Variants in LACTB observed in about 807,000 individuals in gnomAD.
LACTB encodes the protein serine beta-lactamase-like protein LACTB, mitochondrial.
A neutral mutation model predicts 50.2 loss-of-function variants in LACTB; 35 were observed. That is an observed-to-expected ratio of 0.70 (90% CI 0.53 to 0.92). The LOEUF is 0.92. Ranked by LOEUF, LACTB falls within the 40% of genes least tolerant of loss-of-function variation. LACTB has a pLI of 0.00. For missense variants in LACTB, 664 were observed against 691.8 expected (o/e 0.96, Z 0.45); for synonymous variants, 252 against 268.2 (o/e 0.94, Z 0.59).
rs1234884283 is a variant in LACTB at position 63,127,064 on chromosome 15, A to G, written c.615+15A>G. 1.3e-6 allele frequency: 2 copies of G among 1,545,802 alleles called. No homozygotes were observed. The highest frequency in any genetic ancestry group is 1.8e-5 in the Admixed American group (1 of 54,284). On this transcript the variant is annotated intron_variant, in intron 3 of 5. Transcript: ENST00000261893. ...AAGGTGAAAAGGTACTGAAACTCACAGTTCATTTTACTAATGGCATGTTAA... is the reference window on the plus strand; with the variant it reads ...AAGGTGAAAAGGTACTGAAACTCACGGTTCATTTTACTAATGGCATGTTAA...
At chr15:63,123,805 TG>T (rs2037011006) in intron 2 of LACTB, among the ~76,000 whole-genome samples, 1 of 152,214 alleles carries the variant, frequency 6.6e-6, no homozygotes, top group Admixed American at 6.5e-5. Context: ...TTTCACTAAT[TG>T]ACTACTGCTA....
intron 5 of LACTB, among the ~76,000 whole-genome samples, chr15:63,132,434 T>C (rs1178230884): frequency 6.6e-6 from 1 of 152,072 alleles, no homozygotes; most frequent in Non-Finnish European, 1.5e-5. Flanking sequence ...GATTTTCTGC[T>C]TTATTTTGTG....
At chr15:63,128,087 A>T (rs1026251928) in intron 4 of LACTB, among the ~76,000 whole-genome samples, 1 of 152,238 alleles carries the variant, frequency 6.6e-6, no homozygotes, top group African/African-American at 2.4e-5. Flanking sequence ...ATGAGTGTTC[A>T]TCACTAATTT....
At chr15:63,129,936 T>G (rs981776914) in intron 5 of LACTB, 3 of 226,506 alleles carry the variant, frequency 1.3e-5, no homozygotes, top group Non-Finnish European at 2.5e-5. Context: ...CTTTAACCAT[T>G]CCTTTTTTAG....
chr15:63,123,979 T>C (rs2141067696), intron 2 of LACTB, among the ~76,000 whole-genome samples: 1 of 152,324 alleles, frequency 6.6e-6, no homozygotes, highest in South Asian at 2.1e-4. Flanking sequence ...CAGAGTCTTC[T>C]CTAAACTCCC....
chr15:63,128,712 G>T (rs146974491), intron 4 of LACTB, among the ~76,000 whole-genome samples: 1 of 152,166 alleles, frequency 6.6e-6, no homozygotes, highest in Middle Eastern at 3.4e-3. Flanking sequence ...TTGAAACAAA[G>T]TTTGTGTGCC....
chr15:63,125,050 G>A (rs921556493), intron 2 of LACTB, among the ~76,000 whole-genome samples: 1 of 152,090 alleles, frequency 6.6e-6, no homozygotes, highest in African/African-American at 2.4e-5. Context: ...GCCAGTTGAG[G>A]TGGCGCACGC....
intron 5 of LACTB, among the ~76,000 whole-genome samples, chr15:63,138,805 C>G (rs547214209): frequency 1.3e-5 from 2 of 152,084 alleles, no homozygotes; most frequent in East Asian, 3.9e-4. Flanking sequence ...TTTGGGAAAC[C>G]AAGGCTGGCA....
intron 5 of LACTB, among the ~76,000 whole-genome samples, chr15:63,132,704 C>G (rs2037144577): frequency 6.6e-6 from 1 of 152,140 alleles, no homozygotes; most frequent in South Asian, 2.1e-4. Context: ...ACCTGTAGTC[C>G]TGACTACTTG....
intron 5 of LACTB, chr15:63,131,076 TGA>T (rs1286222445): frequency 6.6e-6 from 1 of 152,318 alleles, no homozygotes; most frequent in East Asian, 1.9e-4. Context: ...GCGGATCACA[TGA>T]GACCAAGTTT....
rs994036075 is a variant in LACTB, at chr15:63,122,288, G to A, written c.357+60G>A. 5 of 1,397,418 alleles carry A rather than the reference G, an allele frequency of 3.6e-6. No individual in the cohort carries two copies. In the African/African-American group the frequency reaches 7.2e-5, roughly 20 times the overall value. The allele number at this position is 1,397,418 out of a possible 1,614,324, so 86.6% of individuals were successfully genotyped here. A position where few individuals can be genotyped will look rare whatever the true frequency, so the allele number is the denominator to read the frequency against. ...GGGATCCACCCCTGTCGGCGGTGCTGTCGGGGGCTGAGTGGACCCCACCCG... is the reference window on the plus strand; with the variant it reads ...GGGATCCACCCCTGTCGGCGGTGCTATCGGGGGCTGAGTGGACCCCACCCG... On this transcript the variant is annotated intron_variant, in intron 1 of 5. Transcript: ENST00000261893.
Position 63,122,206 on chromosome 15 carries a change from G to T in LACTB, c.335G>T (p.Arg112Leu). The T allele has an allele frequency of 6.4e-7, 1 of 1,551,306 alleles. No individual in the cohort carries two copies. Among genetic ancestry groups the T allele is most frequent in the East Asian group, 2.4e-5 (1 of 41,526 alleles). ...TTCGCCAGAGCCATCGAGAGCAGCC[G>T]CGACCTGCTGCACAGGATCAAGGTG... Reference protein sequence around the residue: ...RCFARAIESSRDLLHRIKDEV... With the variant: ...RCFARAIESSLDLLHRIKDEV... Residue 112 changes from arginine (R) to leucine (L), a missense_variant, in exon 1 of 6, where the codon CGC becomes CTC. Physicochemically the swap from Arg to Leu is moderately radical, Grantham distance 102 (BLOSUM62 -2). Coordinates refer to ENST00000261893, the MANE Select transcript of LACTB (RefSeq NM_032857.5).
At position 63,129,506 on chromosome 15, in the gene LACTB, C is replaced by T. The variant is rs2037100856; in HGVS notation, c.974C>T (p.Thr325Ile). 1.3e-6 allele frequency: 2 copies of T among 1,597,072 alleles called. No homozygotes were observed. The highest frequency in any genetic ancestry group is 1.7e-6 in the Non-Finnish European group (2 of 1,173,064). The change falls in exon 5 of 6, where the codon ACT (threonine) becomes ATT (isoleucine). Residue 325 changes from threonine (T) to isoleucine (I), a missense_variant. Physicochemically the swap from Thr to Ile is moderately conservative, Grantham distance 89. Transcript: ENST00000261893. The part of the protein sequence containing the change: ...FKPGSQFLYS[T>I]FGYTLLAAIV... ...CAAGGTAGTCAGTTTTTGTATTCAACTTTTGGCTATACCCTACTGGCAGCC... is the reference window on the plus strand; with the variant it reads ...CAAGGTAGTCAGTTTTTGTATTCAATTTTTGGCTATACCCTACTGGCAGCC...
rs1213516285 is a variant in LACTB at position 63,126,924 on chromosome 15, A to G, written c.490A>G (p.Ser164Gly). ...ACCAGAGACAGTTATGCGAATTGCTAGCATCAGCAAAAGTCTCACCATGGT... is the reference window on the plus strand; with the variant it reads ...ACCAGAGACAGTTATGCGAATTGCTGGCATCAGCAAAAGTCTCACCATGGT... ...CKPETVMRIA[S>G]ISKSLTMVAL... Residue 164 changes from serine to glycine, a missense_variant, in exon 3 of 6, where the codon AGC (serine) becomes GGC (glycine). Physicochemically the swap from Ser to Gly is moderately conservative, Grantham distance 56. Transcript: ENST00000261893. The G allele has an allele frequency of 3.7e-6, 6 of 1,613,264 alleles. No homozygotes were observed. In the Admixed American group the frequency reaches 5.0e-5, roughly 13 times the overall value.
In LACTB at chr15:63,129,541, A is replaced by G. The variant is rs2037101798; in HGVS notation, c.1009A>G (p.Arg337Gly). The G allele has an allele frequency of 1.9e-6, 3 of 1,613,266 alleles. 1 individual carries two copies. The East Asian group carries it at 6.7e-5, about 36-fold the overall frequency. Reference protein sequence around the residue: ...GYTLLAAIVERASGCKYLDYM... With the variant: ...GYTLLAAIVEGASGCKYLDYM... Reference sequence around the variant, plus strand: ...TACCCTACTGGCAGCCATAGTAGAGAGAGCTTCAGGATGTAAATATTTGGA... The same window carrying G: ...TACCCTACTGGCAGCCATAGTAGAGGGAGCTTCAGGATGTAAATATTTGGA... The change falls in exon 5 of 6, where the codon AGA becomes GGA. Residue 337 changes from arginine to glycine, a missense_variant. By Grantham distance (125) the Arg-to-Gly change is moderately radical. Transcript: ENST00000261893.
chr15:63,135,668 G>A (rs2037169306), intron 5 of LACTB, among the ~76,000 whole-genome samples: 1 of 152,204 alleles, frequency 6.6e-6, no homozygotes, highest in Non-Finnish European at 1.5e-5. Flanking sequence ...GCAGTGAGCT[G>A]TGATCATGCC....
Position 63,121,863 on chromosome 15 carries a change from A to G in LACTB, c.-9A>G, listed in dbSNP as rs567535636. On this transcript the variant is annotated 5_prime_UTR_variant, in exon 1 of 6. Transcript: ENST00000261893. ...TGAGTTTGGTGGCGGCCGGCTGTGC[A>G]GAGACGCCATGTACCGGCTCATGTC... 25 of 1,349,660 alleles carry G rather than the reference A, an allele frequency of 1.9e-5. No homozygotes were observed. Among genetic ancestry groups the G allele is most frequent in the Middle Eastern group, 2.2e-4 (1 of 4,542 alleles). 83.6% of individuals were successfully genotyped at this position (1,349,660 alleles called of 1,614,324 possible). A position where few individuals can be genotyped will look rare whatever the true frequency, so the allele number is the denominator to read the frequency against.
chr15:63,136,359 G>A (rs187780666), intron 5 of LACTB, among the ~76,000 whole-genome samples: 3 of 152,198 alleles, frequency 2.0e-5, no homozygotes, highest in Non-Finnish European at 4.4e-5. Flanking sequence ...GAAAAAAGGC[G>A]ATGGGTTTCT....
intron 2 of LACTB, 43 bp downstream of exon 2, chr15:63,122,745 A>G (rs1175812239): frequency 7.3e-7 from 1 of 1,363,348 alleles, no homozygotes; most frequent in African/African-American, 1.4e-5. Context: ...CCAGTTGGTA[A>G]ATAAAATATT....
Sources: gnomAD v4.1 joint callset for allele counts (sites outside exome capture counted in the v4.1 genomes callset) on GRCh38, gnomAD v4.1.1 for gene constraint, MANE v1.5 for transcripts, NCBI Gene and HGNC (gene_info 2026-07-23, HGNC 2026-07-21) for gene names.